Variants in ADAMTSL1 observed in about 807,000 individuals in gnomAD.
ADAMTSL1 encodes ADAMTS-like protein 1.
In ADAMTSL1, 126 loss-of-function variants were observed where a neutral mutation model predicts 201.8. The ratio of observed to expected loss-of-function variants is 0.62; its 90% CI spans 0.54 to 0.72. The LOEUF is 0.72. Ranked by LOEUF, ADAMTSL1 falls within the 30% of genes least tolerant of loss-of-function variation. The pLI is 0.00. For missense variants in ADAMTSL1, 2,679 were observed against 2,277.8 expected (o/e 1.18, Z -3.59); for synonymous variants, 1,121 against 903.4 (o/e 1.24, Z -4.32).
At chr9:18,697,442 A>T (rs2133281513) in intron 13 of ADAMTSL1, among the ~76,000 whole-genome samples, 1 of 152,278 alleles carries the variant, frequency 6.6e-6, no homozygotes, top group Non-Finnish European at 1.5e-5. Flanking sequence ...TCCATAGAAC[A>T]AGACCACCCC....
At chr9:18,791,964 C>G (rs1822091363) in intron 19 of ADAMTSL1, among the ~76,000 whole-genome samples, 1 of 152,056 alleles carries the variant, frequency 6.6e-6, no homozygotes, top group African/African-American at 2.4e-5. Context: ...TACTTAGTGC[C>G]TGGAGAAACC....
intron 2 of ADAMTSL1, among the ~76,000 whole-genome samples, chr9:18,404,315 T>C (rs1224084507): frequency 6.6e-6 from 1 of 152,250 alleles, no homozygotes; most frequent in Non-Finnish European, 1.5e-5. Flanking sequence ...CATGATGTAC[T>C]ACCAAACAAT....
intron 2 of ADAMTSL1, among the ~76,000 whole-genome samples, chr9:18,238,408 A>C (rs959443397): frequency 6.6e-6 from 1 of 152,162 alleles, no homozygotes; most frequent in Admixed American, 6.5e-5. Flanking sequence ...CCCTTTGTGC[A>C]GGCAGCAGAG....
chr9:18,778,288 C>T lies in ADAMTSL1; in HGVS notation c.3677+382C>T, dbSNP rs188231073. Among the ~76,000 whole-genome samples the T allele has an allele frequency of 3.9e-5, 6 of 152,322 alleles. No individual in the cohort carries two copies. In the East Asian group the frequency reaches 1.2e-3, roughly 29 times the overall value. On this transcript the variant is annotated intron_variant, in intron 19 of 28. Coordinates refer to ENST00000380548, the MANE Select transcript of ADAMTSL1 (RefSeq NM_001040272.6). ...AAGATGAACCATGGAAAAGCTTTGA[C>T]ACTGGAACACTGACTCCGTGTGTGT...
rs79920193 is a variant in ADAMTSL1, at chr9:18,184,237, T to C, written c.207+20256T>C. On this transcript the variant is annotated intron_variant, in intron 2 of 29. Transcript: ENST00000680146. ...TGTGGTGTAAAATTGTTATGCACACTAAATACTTTACCTATAACCTCTGCC... is the reference window on the plus strand; with the variant it reads ...TGTGGTGTAAAATTGTTATGCACACCAAATACTTTACCTATAACCTCTGCC... 6.9e-3 allele frequency among the ~76,000 whole-genome samples: 1,053 copies of C among 152,296 alleles called. 12 individuals are homozygous for C. The highest frequency in any genetic ancestry group is 0.024 in the African/African-American group (1,014 of 41,566).
At chr9:18,135,283 C>A (rs1375984170) in intron 1 of ADAMTSL1, among the ~76,000 whole-genome samples, 1 of 152,068 alleles carries the variant, frequency 6.6e-6, no homozygotes, top group Non-Finnish European at 1.5e-5. Flanking sequence ...GCATTCATAT[C>A]AAGTTTTCAA....
intron 5 of ADAMTSL1, among the ~76,000 whole-genome samples, chr9:18,634,826 G>A (rs1826997621): frequency 9.7e-6 from 1 of 102,912 alleles, no homozygotes; most frequent in East Asian, 2.5e-4. Context: ...GTGACAGAGC[G>A]AGATTCCTCA....
At chr9:18,091,186 G>C (rs893773230) in intron 1 of ADAMTSL1, among the ~76,000 whole-genome samples, 2 of 151,402 alleles carry the variant, frequency 1.3e-5, no homozygotes, top group Non-Finnish European at 2.9e-5. Context: ...TTTTGTTCTT[G>C]GTATCACTGA....
intron 1 of ADAMTSL1, among the ~76,000 whole-genome samples, chr9:18,068,863 A>G (rs1478515110): frequency 6.6e-6 from 1 of 152,232 alleles, no homozygotes; most frequent in Non-Finnish European, 1.5e-5. Flanking sequence ...ACAGAGTGGT[A>G]TAGTGCTATA....
At chr9:18,845,065 G>C (rs1041543976) in intron 23 of ADAMTSL1, among the ~76,000 whole-genome samples, 2 of 152,188 alleles carry the variant, frequency 1.3e-5, no homozygotes, top group African/African-American at 4.8e-5. Flanking sequence ...CCCACTGTCT[G>C]GCACTCCCTA....
chr9:18,386,351 G>T (rs1025393425), intron 2 of ADAMTSL1, among the ~76,000 whole-genome samples: 1 of 152,170 alleles, frequency 6.6e-6, no homozygotes. Context: ...TCTCAACCAT[G>T]ATGGTTAGTG....
intron 1 of ADAMTSL1, among the ~76,000 whole-genome samples, chr9:18,150,624 TC>T (rs1331433808): frequency 6.6e-6 from 1 of 151,948 alleles, no homozygotes; most frequent in African/African-American, 2.4e-5. Flanking sequence ...TTGCTCTTGC[TC>T]TCTCTGTCTT....
Position 18,770,730 on chromosome 9 carries a change from A to C in ADAMTSL1, c.2346A>C (p.Ala782=). 6.2e-7 allele frequency: 1 copy of C among 1,613,936 alleles called. No individual in the cohort carries two copies. The part of the protein sequence containing the change: ...CSASKPACQQ[A]CKKDDCPSEW... The stretch of plus-strand genomic sequence containing the variant: ...CTTCAAAACCTGCCTGCCAGCAAGC[A>C]TGCAAGAAAGATGACTGTCCCAGCG... The change falls in exon 17 of 29, where the codon GCA becomes GCC. Residue 782 remains alanine (A), a synonymous_variant. Transcript: ENST00000380548.
chr9:18,890,201 G>C (rs761398182), intron 25 of ADAMTSL1, among the ~76,000 whole-genome samples: 14 of 152,242 alleles, frequency 9.2e-5, no homozygotes, highest in Non-Finnish European at 1.6e-4. Context: ...CTCCAGTTCA[G>C]TTGGGGAAAT....
chr9:18,125,017 T>G (rs1825673007), intron 1 of ADAMTSL1, among the ~76,000 whole-genome samples: 1 of 152,128 alleles, frequency 6.6e-6, no homozygotes, highest in African/African-American at 2.4e-5. Flanking sequence ...TTAAGGCAAG[T>G]CCCATCTCTT....
chr9:18,889,470 C>G, intron 24 of ADAMTSL1, 98 bp from the exon 25 acceptor site: 1 of 1,331,872 alleles, frequency 7.5e-7, no homozygotes, highest in Non-Finnish European at 1.0e-6. Context: ...GGCCACAAAT[C>G]CACCCCTGTC....
At position 18,843,479 on chromosome 9, in the gene ADAMTSL1, A is replaced by G. The variant is rs1238860582; in HGVS notation, c.4249+13502A>G. On this transcript the variant is annotated intron_variant, in intron 23 of 28. Transcript: ENST00000380548. The stretch of plus-strand genomic sequence containing the variant: ...GGCTGCGTTTAACATTTTTTCCTTC[A>G]TTTCAACTTTGGTGAATCTGACAAT... Among the ~76,000 whole-genome samples, 4 of 150,442 alleles carry G rather than the reference A, an allele frequency of 2.7e-5. 1 individual carries two copies. Among genetic ancestry groups the G allele is most frequent in the South Asian group, 2.1e-4 (1 of 4,810 alleles).
intron 18 of ADAMTSL1, 47 bp downstream of exon 18, chr9:18,775,943 C>T: frequency 6.4e-7 from 1 of 1,560,778 alleles, no homozygotes. Flanking sequence ...ACCCACACAG[C>T]AGCAGCTATA....
chr9:18,099,478 T>C (rs1003691970), intron 1 of ADAMTSL1, among the ~76,000 whole-genome samples: 7 of 149,642 alleles, frequency 4.7e-5, no homozygotes, highest in Admixed American at 6.7e-5. Context: ...TTTTTTTTAA[T>C]TTCAGAAAAT....
Sources: gnomAD v4.1 joint callset for allele counts (sites outside exome capture counted in the v4.1 genomes callset) on GRCh38, gnomAD v4.1.1 for gene constraint, MANE v1.5 for transcripts, NCBI Gene and HGNC (gene_info 2026-07-23, HGNC 2026-07-21) for gene names.